HACD3: variants seen among roughly 807,000 people sequenced by gnomAD.
HACD3 encodes the protein 3-hydroxyacyl-CoA dehydratase 3, also known as very-long-chain (3R)-3-hydroxyacyl-CoA dehydratase 3.
In HACD3, 30 loss-of-function variants were observed where a neutral mutation model predicts 55.2. The observed-to-expected ratio is 0.54, with a 90% CI of 0.41 to 0.74. The LOEUF (loss-of-function observed/expected upper bound fraction) is 0.74, where lower values mean the gene tolerates loss of function less well. Ranked by LOEUF, HACD3 falls within the 30% of genes least tolerant of loss-of-function variation. HACD3 has a pLI of 0.00. For synonymous variants in HACD3, 141 were observed against 151.7 expected (o/e 0.93, Z 0.52); for missense variants, 363 against 440.1 (o/e 0.82, Z 1.57).
intron 1 of HACD3, among the ~76,000 whole-genome samples, chr15:65,539,417 C>CAG (rs2071997257): frequency 1.3e-5 from 2 of 151,976 alleles, no homozygotes; most frequent in Admixed American, 1.3e-4. Flanking sequence ...GATGGGGTTT[C>CAG]ACCATGTTGG....
At chr15:65,535,747 G>A in intron 1 of HACD3, 1 of 591,772 alleles carries the variant, frequency 1.7e-6, no homozygotes, top group South Asian at 2.0e-5. Context: ...CCAGGTTGGA[G>A]TGCAGCAGTG....
At chr15:65,543,548 T>G (rs922577420) in intron 1 of HACD3, among the ~76,000 whole-genome samples, 2 of 152,202 alleles carry the variant, frequency 1.3e-5, no homozygotes, top group African/African-American at 4.8e-5. Flanking sequence ...GGGAGAAGCC[T>G]TGTAAGAGCT....
chr15:65,536,159 G>C (rs1445711532), intron 1 of HACD3, among the ~76,000 whole-genome samples: 3 of 152,122 alleles, frequency 2.0e-5, no homozygotes, highest in Non-Finnish European at 4.4e-5. Context: ...TGGGACTGCA[G>C]GCATGTGCCA....
intron 10 of HACD3, among the ~76,000 whole-genome samples, chr15:65,572,926 AAAAAT>A (rs1459075540): frequency 1.4e-5 from 2 of 145,826 alleles, no homozygotes; most frequent in East Asian, 2.0e-4. Flanking sequence ...AAAAAAAAAA[AAAAAT>A]AAATAAATAA....
chr15:65,556,735 C>A lies in HACD3; in HGVS notation c.205-4C>A. On this transcript the variant is annotated splice_polypyrimidine_tract_variant and splice_region_variant and intron_variant, in intron 3 of 10. Transcript: ENST00000261875. ...CATTCTCACATTTTCACTTTCTCTCCTAGCCTGTTTACAAACTGACCCAGA... is the reference window on the plus strand; with the variant it reads ...CATTCTCACATTTTCACTTTCTCTCATAGCCTGTTTACAAACTGACCCAGA... 1 of 1,604,344 alleles carries A rather than the reference C, an allele frequency of 6.2e-7. No individual in the cohort carries two copies. The highest frequency in any genetic ancestry group is 8.5e-7 in the Non-Finnish European group (1 of 1,173,354).
At chr15:65,535,451 A>G (rs753711454) in intron 1 of HACD3, among the ~76,000 whole-genome samples, 5 of 152,248 alleles carry the variant, frequency 3.3e-5, no homozygotes, top group Non-Finnish European at 5.9e-5. Flanking sequence ...CTTGACTGCA[A>G]TTATGACCAG....
chr15:65,572,181 C>G, intron 9 of HACD3, 54 bp from the exon 10 acceptor site: 2 of 1,600,838 alleles, frequency 1.2e-6, no homozygotes, highest in Non-Finnish European at 1.7e-6. Flanking sequence ...AAGTTCCTGT[C>G]ATTAAATGTG....
At chr15:65,532,094 T>C (rs1330418553) in intron 1 of HACD3, among the ~76,000 whole-genome samples, 1 of 152,156 alleles carries the variant, frequency 6.6e-6, no homozygotes, top group Non-Finnish European at 1.5e-5. Flanking sequence ...TGTTGAAAGA[T>C]GAAGACAGTA....
chr15:65,555,659 T>C (rs1033650233), intron 3 of HACD3, among the ~76,000 whole-genome samples: 1 of 152,090 alleles, frequency 6.6e-6, no homozygotes, highest in African/African-American at 2.4e-5. Context: ...GGAGCTTCCT[T>C]TGGAGAAAAG....
At chr15:65,551,054 C>G (rs531447809) in intron 1 of HACD3, 1 of 152,350 alleles carries the variant, frequency 6.6e-6, no homozygotes, top group African/African-American at 2.4e-5. Flanking sequence ...GAGACACAGG[C>G]ACAGCGTGTT....
At chr15:65,552,493 G>A (rs574380807) in intron 2 of HACD3, among the ~76,000 whole-genome samples, 30 of 151,980 alleles carry the variant, frequency 2.0e-4, no homozygotes, top group African/African-American at 5.5e-4. Context: ...CCGCCACCAC[G>A]TCCAGCTAAT....
At chr15:65,564,557 G>A (rs139267573) in intron 7 of HACD3, 135 of 530,732 alleles carry the variant, frequency 2.5e-4, no homozygotes, top group African/African-American at 2.4e-3. Context: ...ACGTGGTGGC[G>A]GCAAGAGAGA....
rs2141221278 is a variant in HACD3, at chr15:65,564,290, T to C, written c.608T>C (p.Ile203Thr). ...FCQMLAVVET[I>T]NAAIGVTTSP... ...CAGATGCTGGCAGTTGTGGAAACTA[T>C]CAATGCAGCAATTGGAGTCACTACG... Residue 203 changes from isoleucine to threonine, a missense_variant, in exon 7 of 11, where the codon ATC (isoleucine) becomes ACC (threonine). By Grantham distance (89) the Ile-to-Thr change is moderately conservative. Transcript: ENST00000261875. 1.2e-6 allele frequency: 2 copies of C among 1,613,966 alleles called. No homozygotes were observed. The highest frequency in any genetic ancestry group is 1.7e-6 in the Non-Finnish European group (2 of 1,179,850).
At chr15:65,563,436 C>G (rs1187518862) in intron 6 of HACD3, among the ~76,000 whole-genome samples, 3 of 152,128 alleles carry the variant, frequency 2.0e-5, no homozygotes, top group Non-Finnish European at 4.4e-5. Context: ...TATTCTGAAA[C>G]TTTATTTGAT....
At chr15:65,559,392 A>T (rs1263854590) in intron 5 of HACD3, among the ~76,000 whole-genome samples, 1 of 151,892 alleles carries the variant, frequency 6.6e-6, no homozygotes, top group Non-Finnish European at 1.5e-5. Context: ...TAGTGAGGGA[A>T]CTGCAGGTGT....
At position 65,572,306 on chromosome 15, in the gene HACD3, G is replaced by C; in HGVS notation, c.952G>C (p.Val318Leu). 1.2e-6 allele frequency: 2 copies of C among 1,613,214 alleles called. No homozygotes were observed. The highest frequency in any genetic ancestry group is 1.7e-6 in the Non-Finnish European group (2 of 1,179,746). Residue 318 changes from valine to leucine, a missense_variant, in exon 10 of 11, where the codon GTG becomes CTG. By Grantham distance (32) the Val-to-Leu change is conservative. Transcript: ENST00000261875. ...GRFSFTLPYP[V>L]KIKVRFSFFL... The stretch of plus-strand genomic sequence containing the variant: ...ATTCAGTTTCACATTGCCATATCCA[G>C]TGAAAATCAAAGTTAGATTTTCCTT...
chr15:65,576,487 C>T lies in HACD3; in HGVS notation c.*108C>T. 2 of 1,137,022 alleles carry T rather than the reference C, an allele frequency of 1.8e-6. No individual in the cohort carries two copies. Among genetic ancestry groups the T allele is most frequent in the Non-Finnish European group, 2.5e-6 (2 of 812,956 alleles). 70.4% of individuals were successfully genotyped at this position (1,137,022 alleles called of 1,614,324 possible). On this transcript the variant is annotated 3_prime_UTR_variant, in exon 11 of 11. Transcript: ENST00000261875. ...TTTTTTAATGTTAAATGATTAAATT[C>T]TCAGTGAGGCTATCTTCCTTTTCCC... is the stretch of plus-strand genomic sequence containing the variant.
Position 65,562,656 on chromosome 15 carries a change from G to A in HACD3, c.422-118G>A, listed in dbSNP as rs538268998. The A allele has an allele frequency of 3.1e-5, 42 of 1,358,130 alleles. No homozygotes were observed. In the African/African-American group the frequency reaches 5.1e-4, roughly 17 times the overall value. 84.1% of individuals were successfully genotyped at this position (1,358,130 alleles called of 1,614,324 possible). A position where few individuals can be genotyped will look rare whatever the true frequency, so the allele number is the denominator to read the frequency against. ...AGGACCTGGACCAGGTATTTGTGTG[G>A]GAGCTTAGGAGCATTCAGGAAGGAA... On this transcript the variant is annotated intron_variant, in intron 5 of 10. Coordinates refer to ENST00000261875, the MANE Select transcript of HACD3 (RefSeq NM_016395.4).
chr15:65,562,969 T>A, intron 6 of HACD3, 85 bp downstream of exon 6: 1 of 1,551,846 alleles, frequency 6.4e-7, no homozygotes, highest in South Asian at 1.2e-5. Flanking sequence ...CTGCCTTTGA[T>A]GTTAATAATA....
Sources: allele counts gnomAD v4.1 joint callset (sites outside exome capture counted in the v4.1 genomes callset), GRCh38; gene constraint gnomAD v4.1.1; transcripts MANE v1.5; gene names NCBI Gene and HGNC (gene_info 2026-07-23, HGNC 2026-07-21).